PDZD2: variants seen among roughly 807,000 people sequenced by gnomAD.
The protein encoded by PDZD2 is PDZ domain containing 2.
In PDZD2, 90 loss-of-function variants were observed where a neutral mutation model predicts 220.7. The ratio of observed to expected loss-of-function variants is 0.41; its 90% CI spans 0.34 to 0.49. The LOEUF is 0.49. Among genes scored for constraint, PDZD2 ranks in the 20% least tolerant of loss-of-function variants. The pLI is 0.28. For missense variants in PDZD2, 3,174 were observed against 3,608.5 expected, an observed-to-expected ratio of 0.88 and a Z score of 3.08; for synonymous variants, 1,375 against 1,450.5, an observed-to-expected ratio of 0.95 and a Z score of 1.18.
At chr5:31,813,144 A>C (rs762395778) in intron 2 of PDZD2, among the ~76,000 whole-genome samples, 6 of 152,302 alleles carry the variant, frequency 3.9e-5, no homozygotes, top group Admixed American at 2.0e-4. Flanking sequence ...ATAATTAGCA[A>C]GATATTTAAA....
chr5:31,783,141 C>T (rs1415632398), intron 1 of PDZD2, among the ~76,000 whole-genome samples: 4 of 152,148 alleles, frequency 2.6e-5, no homozygotes, highest in Admixed American at 1.3e-4. Context: ...TTATTGCACT[C>T]AATAAATATT....
intron 1 of PDZD2, among the ~76,000 whole-genome samples, chr5:31,782,130 GCAGA>G (rs917876679): frequency 2.0e-5 from 3 of 152,176 alleles, no homozygotes; most frequent in Non-Finnish European, 4.4e-5. Context: ...TGTCACAAAG[GCAGA>G]CAGACATGCA....
chr5:32,015,777 G>A (rs1412207588), intron 6 of PDZD2, among the ~76,000 whole-genome samples: 2 of 152,022 alleles, frequency 1.3e-5, no homozygotes, highest in African/African-American at 4.8e-5. Flanking sequence ...AAGAGGAAGA[G>A]TTTCAGTATA....
At chr5:31,658,123 A>G (rs1745622112) in intron 1 of PDZD2, among the ~76,000 whole-genome samples, 1 of 152,222 alleles carries the variant, frequency 6.6e-6, no homozygotes, top group Admixed American at 6.5e-5. Flanking sequence ...CAATCGCAGA[A>G]TAATGGTCTC....
intron 2 of PDZD2, among the ~76,000 whole-genome samples, chr5:31,968,391 C>T (rs990571415): frequency 2.2e-4 from 34 of 152,128 alleles, no homozygotes; most frequent in Non-Finnish European, 4.0e-4. Flanking sequence ...CGGTGGCTCA[C>T]GCCTATAATC....
chr5:31,728,356 T>C (rs773266620), intron 1 of PDZD2, among the ~76,000 whole-genome samples: 28 of 152,126 alleles, frequency 1.8e-4, no homozygotes, highest in Non-Finnish European at 4.0e-4. Flanking sequence ...TTTTCTCTAC[T>C]TACATGTATT....
intron 2 of PDZD2, among the ~76,000 whole-genome samples, chr5:31,838,327 G>A (rs1244873122): frequency 3.3e-5 from 5 of 152,142 alleles, no homozygotes; most frequent in Admixed American, 3.3e-4. Flanking sequence ...CAAAGTGCTG[G>A]GATTACAGGC....
chr5:31,798,373 G>C, intron 1 of PDZD2, among the ~76,000 whole-genome samples: 1 of 152,326 alleles, frequency 6.6e-6, no homozygotes, highest in Non-Finnish European at 1.5e-5. Flanking sequence ...GCCCTGGGAC[G>C]GAGGCGGGAT....
At chr5:31,766,675 A>G (rs946911905) in intron 1 of PDZD2, among the ~76,000 whole-genome samples, 1 of 151,860 alleles carries the variant, frequency 6.6e-6, no homozygotes, top group African/African-American at 2.4e-5. Flanking sequence ...TACAGGTGTG[A>G]GCCACAGCAC....
At chr5:31,986,734 G>A (rs1478669367) in intron 3 of PDZD2, among the ~76,000 whole-genome samples, 4 of 152,040 alleles carry the variant, frequency 2.6e-5, no homozygotes, top group Non-Finnish European at 5.9e-5. Flanking sequence ...TCTTTATAAT[G>A]ATTTAATATA....
intron 1 of PDZD2, among the ~76,000 whole-genome samples, chr5:31,704,439 A>G (rs1337760389): frequency 6.6e-6 from 1 of 152,248 alleles, no homozygotes; most frequent in Admixed American, 6.5e-5. Flanking sequence ...TCCCACAACA[A>G]ACAGCACACT....
chr5:31,878,592 C>T (rs1304395753), intron 2 of PDZD2, among the ~76,000 whole-genome samples: 1 of 49,408 alleles, frequency 2.0e-5, no homozygotes, highest in Non-Finnish European at 4.3e-5. Flanking sequence ...GACGGAGTCT[C>T]GCTGTCGCCC....
intron 1 of PDZD2, among the ~76,000 whole-genome samples, chr5:31,658,675 A>T (rs1386325422): frequency 6.6e-6 from 1 of 150,478 alleles, no homozygotes; most frequent in Non-Finnish European, 1.5e-5. Context: ...GCTGGAGTGC[A>T]GTGGCGCAGT....
chr5:31,959,786 A>G (rs988771282), intron 2 of PDZD2, among the ~76,000 whole-genome samples: 1 of 152,192 alleles, frequency 6.6e-6, no homozygotes, highest in African/African-American at 2.4e-5. Context: ...ATTCTCTGAC[A>G]GTTCTAGAGA....
intron 1 of PDZD2, among the ~76,000 whole-genome samples, chr5:31,762,647 C>T (rs1020213221): frequency 1.3e-5 from 2 of 152,224 alleles, no homozygotes; most frequent in Non-Finnish European, 2.9e-5. Context: ...GACTGTTTGA[C>T]ACTTGAAGCA....
At position 32,042,240 on chromosome 5, in the gene PDZD2, C is replaced by T. The variant is rs1259685482; in HGVS notation, c.1519+4898C>T. 3.6e-5 allele frequency among the ~76,000 whole-genome samples: 5 copies of T among 137,170 alleles called. No homozygotes were observed. In the East Asian group the frequency reaches 8.8e-4, roughly 24 times the overall value. The allele number at this position is 137,170 out of a possible 152,430, so 90.0% of individuals were successfully genotyped here. On this transcript the variant is annotated intron_variant, in intron 7 of 24. Transcript: ENST00000438447. The stretch of plus-strand genomic sequence containing the variant: ...TTGCACCACTGCACTCCAGCCTGGG[C>T]GACAGAGTGAGACTCTGTCTAAAAA...
chr5:32,079,274 A>C (rs1054164249), intron 19 of PDZD2, among the ~76,000 whole-genome samples: 4 of 146,402 alleles, frequency 2.7e-5, no homozygotes, highest in African/African-American at 8.2e-5. Context: ...AAAAACAAAA[A>C]AAAAACAAAA....
chr5:31,750,485 A>G (rs1393862125), intron 1 of PDZD2, among the ~76,000 whole-genome samples: 1 of 152,226 alleles, frequency 6.6e-6, no homozygotes, highest in Non-Finnish European at 1.5e-5. Flanking sequence ...CCGTGGAGGT[A>G]GAGGAGAGGA....
intron 2 of PDZD2, among the ~76,000 whole-genome samples, chr5:31,883,721 C>A (rs1221441759): frequency 5.9e-5 from 9 of 151,706 alleles, no homozygotes; most frequent in African/African-American, 2.2e-4. Flanking sequence ...CATGCCTCAG[C>A]CTTTTGAGTA....
Sources: allele counts gnomAD v4.1 joint callset (sites outside exome capture counted in the v4.1 genomes callset), GRCh38; gene constraint gnomAD v4.1.1; transcripts MANE v1.5; gene names NCBI Gene and HGNC (gene_info 2026-07-23, HGNC 2026-07-21).